SACS: variants seen among roughly 807,000 people sequenced by gnomAD.
SACS encodes sacsin.
Under a neutral mutation model 348.0 loss-of-function variants are expected in SACS, and 197 were observed. The ratio of observed to expected loss-of-function variants is 0.57; its 90% CI spans 0.50 to 0.64. SACS has a LOEUF of 0.64. Ranked by LOEUF, SACS falls within the 30% of genes least tolerant of loss-of-function variation. The pLI, the probability that SACS is intolerant of heterozygous loss-of-function variation, is 0.00. For synonymous variants in SACS, 1,985 were observed against 1,910.6 expected, an observed-to-expected ratio of 1.04 and a Z score of -1.02; for missense variants, 4,999 against 5,360.8, an observed-to-expected ratio of 0.93 and a Z score of 2.11.
In SACS at chr13:23,334,927, A is replaced by G. The variant is rs530439104; in HGVS notation, c.8949T>C (p.Asn2983=). The change falls in exon 10 of 10, where the codon AAT becomes AAC. Residue 2983 remains asparagine, a synonymous_variant. Coordinates refer to ENST00000382292, the MANE Select transcript of SACS (RefSeq NM_014363.6). ...DLYCLVKALY[N]CIHEDMKRLL... is the part of the protein sequence containing the mutation. ...GACGTTTCATGTCTTCGTGAATGCAATTGTAAAGTGCTTTCACTAGACAAT... is the reference window on the plus strand; with the variant it reads ...GACGTTTCATGTCTTCGTGAATGCAGTTGTAAAGTGCTTTCACTAGACAAT... The G allele has an allele frequency of 5.0e-6, 8 of 1,613,896 alleles. No homozygotes were observed. Among genetic ancestry groups the G allele is most frequent in the South Asian group, 4.4e-5 (4 of 91,078 alleles).
intron 4 of SACS, among the ~76,000 whole-genome samples, chr13:23,370,720 T>A (rs538917631): frequency 1.7e-4 from 26 of 152,312 alleles, no homozygotes; most frequent in Admixed American, 6.5e-4. Flanking sequence ...CCGAACACTT[T>A]GGGAGGCCAA....
chr13:23,341,094 T>G lies in SACS; in HGVS notation c.2782A>C (p.Lys928Gln), dbSNP rs1869167786. ...KRIIQELAIFKRINHSSDQGI... is the reference protein window; with the variant it reads ...KRIIQELAIFQRINHSSDQGI... The stretch of plus-strand genomic sequence containing the variant: ...TGATCAGAAGAATGGTTAATGCGCT[T>G]GAATATTGCCAATTCTTGAATAATT... Residue 928 changes from lysine (K) to glutamine (Q), a missense_variant, in exon 10 of 10, where the codon AAG becomes CAG. Transcript: ENST00000382292. 1.2e-6 allele frequency: 2 copies of G among 1,613,862 alleles called. No homozygotes were observed. Among genetic ancestry groups the G allele is most frequent in the Admixed American group, 1.7e-5 (1 of 60,010 alleles).
intron 1 of SACS, among the ~76,000 whole-genome samples, 199 bp from the exon 2 acceptor site, chr13:23,411,939 C>A (rs1873497701): frequency 6.6e-6 from 1 of 152,224 alleles, no homozygotes; most frequent in Non-Finnish European, 1.5e-5. Flanking sequence ...AGGCAACCAA[C>A]AAACGCACAT....
intron 2 of SACS, among the ~76,000 whole-genome samples, chr13:23,392,555 T>A (rs553330353): frequency 1.3e-5 from 2 of 152,342 alleles, no homozygotes; most frequent in South Asian, 2.1e-4. Flanking sequence ...CGAGCACTCA[T>A]TCTGTGTCAG....
chr13:23,388,151 G>T (rs1025000906), intron 2 of SACS, among the ~76,000 whole-genome samples: 2 of 152,022 alleles, frequency 1.3e-5, no homozygotes. Context: ...GCACACATAT[G>T]TTTATCACAG....
chr13:23,334,472 A>G lies in SACS; in HGVS notation c.9404T>C (p.Leu3135Ser), dbSNP rs371019314. Residue 3135 changes from leucine (L) to serine (S), a missense_variant, in exon 10 of 10, where the codon TTA becomes TCA. Leu to Ser is a moderately radical substitution (Grantham distance 145). Coordinates refer to ENST00000382292, the MANE Select transcript of SACS (RefSeq NM_014363.6). ...NLKLFHSLKL[L>S]VDYCFKDAEE... is the part of the protein sequence containing the mutation. ...TGCATCTTTAAAACAATAATCAACT[A>G]AAAGTTTTAAACTATGAAAAAGTTT... The G allele has an allele frequency of 1.1e-4, 176 of 1,612,672 alleles. No homozygotes were observed. The highest frequency in any genetic ancestry group is 1.4e-4 in the Non-Finnish European group (171 of 1,179,746).
intron 2 of SACS, among the ~76,000 whole-genome samples, chr13:23,402,148 A>T (rs1488782186): frequency 6.6e-6 from 1 of 151,626 alleles, no homozygotes; most frequent in Non-Finnish European, 1.5e-5. Context: ...ACTGCACTCC[A>T]GCCTGGGCAA....
At chr13:23,379,270 G>A (rs979644797) in intron 2 of SACS, among the ~76,000 whole-genome samples, 2 of 152,182 alleles carry the variant, frequency 1.3e-5, no homozygotes, top group African/African-American at 4.8e-5. Context: ...CCTGGGAGGT[G>A]TTCCTCTCCT....
At chr13:23,409,548 A>C (rs566897833) in intron 2 of SACS, among the ~76,000 whole-genome samples, 3 of 146,710 alleles carry the variant, frequency 2.0e-5, no homozygotes, top group Non-Finnish European at 4.5e-5. Context: ...GGGTTTTGCC[A>C]TGTTGGTCAG....
intron 1 of SACS, among the ~76,000 whole-genome samples, chr13:23,418,764 C>T (rs1873788680): frequency 6.6e-6 from 1 of 152,210 alleles, no homozygotes; most frequent in Non-Finnish European, 1.5e-5. Flanking sequence ...CTCAGCCTCC[C>T]AAAGTGCTGA....
chr13:23,421,623 G>A (rs909158596), intron 1 of SACS, among the ~76,000 whole-genome samples: 2 of 152,018 alleles, frequency 1.3e-5, no homozygotes, highest in African/African-American at 4.8e-5. Context: ...GCACGGATGT[G>A]AGCCTGGTGC....
At chr13:23,400,883 G>T (rs775624942) in intron 2 of SACS, among the ~76,000 whole-genome samples, 3 of 152,020 alleles carry the variant, frequency 2.0e-5, no homozygotes, top group Non-Finnish European at 2.9e-5. Flanking sequence ...TTCCCATAAG[G>T]CCCTTGGAAA....
intron 2 of SACS, among the ~76,000 whole-genome samples, chr13:23,386,441 T>C (rs1208629920): frequency 2.0e-5 from 3 of 152,224 alleles, no homozygotes; most frequent in African/African-American, 7.2e-5. Flanking sequence ...TTCTGCAGCT[T>C]CCTCACCTTT....
At chr13:23,388,451 T>G (rs1364440096) in intron 2 of SACS, among the ~76,000 whole-genome samples, 2 of 143,258 alleles carry the variant, frequency 1.4e-5, no homozygotes, top group South Asian at 4.3e-4. Context: ...ACATATAATA[T>G]AAAATATATA....
chr13:23,375,993 A>T (rs1871780999), intron 2 of SACS, among the ~76,000 whole-genome samples: 1 of 151,936 alleles, frequency 6.6e-6, no homozygotes, highest in Non-Finnish European at 1.5e-5. Flanking sequence ...GGCCTCCGAG[A>T]AGGGAACGTG....
At chr13:23,401,287 T>C (rs145339796) in intron 2 of SACS, among the ~76,000 whole-genome samples, 310 of 152,320 alleles carry the variant, frequency 2.0e-3, no homozygotes, top group African/African-American at 7.1e-3. Flanking sequence ...CTGAGATAGA[T>C]GCATATCTGA....
intron 2 of SACS, among the ~76,000 whole-genome samples, chr13:23,386,899 A>C (rs1036803691): frequency 3.9e-5 from 6 of 152,268 alleles, no homozygotes; most frequent in African/African-American, 1.2e-4. Context: ...CTGTTGGTAG[A>C]GCAGTGAGAG....
intron 1 of SACS, among the ~76,000 whole-genome samples, chr13:23,414,073 G>A (rs1256146725): frequency 2.6e-5 from 4 of 152,182 alleles, no homozygotes; most frequent in Non-Finnish European, 5.9e-5. Context: ...GGGAGGCCGA[G>A]GCAGGAGGAT....
chr13:23,333,571 A>G lies in SACS; in HGVS notation c.10305T>C (p.Ser3435=), dbSNP rs35670472. ...ATTTCTCCACTTCAGCTGAAGGGAT[A>G]CTTTTTGTAAGTACGTAGCATGTTC... ...KFGTCYVLTK[S]IPSAEVEKWT... Residue 3435 remains serine (S), a synonymous_variant, in exon 10 of 10, where the codon AGT becomes AGC. Coordinates refer to ENST00000382292, the MANE Select transcript of SACS (RefSeq NM_014363.6). 1.7e-3 allele frequency: 2,797 copies of G among 1,613,646 alleles called. 46 individuals are homozygous for G. The African/African-American group carries it at 0.033, about 19-fold the overall frequency.
Sources: gnomAD v4.1 joint callset for allele counts (sites outside exome capture counted in the v4.1 genomes callset) on GRCh38, gnomAD v4.1.1 for gene constraint, MANE v1.5 for transcripts, NCBI Gene and HGNC (gene_info 2026-07-23, HGNC 2026-07-21) for gene names.